The following GRIA2 variants were observed in gnomAD, a reference collection of about 807,000 sequenced individuals.
GRIA2 encodes glutamate ionotropic receptor AMPA type subunit 2.
A neutral mutation model predicts 97.3 loss-of-function variants in GRIA2; 14 were observed. The observed-to-expected ratio is 0.14, with a 90% CI of 0.10 to 0.23. The LOEUF is 0.23. Among genes scored for constraint, GRIA2 ranks in the 10% least tolerant of loss-of-function variants. The probability of loss-of-function intolerance (pLI) is 1.00; values close to 1 mark genes in which losing one functional copy is unlikely to be tolerated. For missense variants in GRIA2, 558 were observed against 1,069.8 expected, an observed-to-expected ratio of 0.52 and a Z score of 6.67; for synonymous variants, 412 against 387.8, an observed-to-expected ratio of 1.06 and a Z score of -0.73.
chr4:157,355,592 TTA>T lies in GRIA2; in HGVS notation c.2044-4294_2044-4293del, dbSNP rs1326378955. On this transcript the variant is annotated intron_variant, in intron 12 of 15. Coordinates refer to ENST00000264426, the MANE Select transcript of GRIA2 (RefSeq NM_001083619.3). ...ATGGGAAATATATATATATATTTAT[TTA>T]TATATATATTTATATATATTTATTT... 2.9e-4 allele frequency among the ~76,000 whole-genome samples: 20 copies of T among 69,276 alleles called. 1 individual carries two copies. Among genetic ancestry groups the T allele is most frequent in the East Asian group, 1.4e-3 (5 of 3,636 alleles). The allele number at this position is 69,276 out of a possible 152,430, so 45.4% of individuals were successfully genotyped here. A position where few individuals can be genotyped will look rare whatever the true frequency, so the allele number is the denominator to read the frequency against.
intron 12 of GRIA2, among the ~76,000 whole-genome samples, chr4:157,354,578 C>A (rs904143910): frequency 6.6e-6 from 1 of 152,110 alleles, no homozygotes; most frequent in Non-Finnish European, 1.5e-5. Context: ...AAAGTATGCA[C>A]CAGATTAAAC....
At chr4:157,270,786 G>A (rs1431495123) in intron 2 of GRIA2, among the ~76,000 whole-genome samples, 3 of 152,036 alleles carry the variant, frequency 2.0e-5, no homozygotes, top group Non-Finnish European at 4.4e-5. Flanking sequence ...GAAGAGAAGC[G>A]AAGCATTGAG....
intron 5 of GRIA2, among the ~76,000 whole-genome samples, chr4:157,318,854 A>T (rs1299340208): frequency 6.6e-6 from 1 of 152,208 alleles, no homozygotes; most frequent in Non-Finnish European, 1.5e-5. Context: ...TTTGACATAT[A>T]CAAATTTAAT....
At chr4:157,250,061 T>C (rs1028313679) in intron 2 of GRIA2, among the ~76,000 whole-genome samples, 8 of 152,162 alleles carry the variant, frequency 5.3e-5, no homozygotes, top group Non-Finnish European at 1.0e-4. Flanking sequence ...TTAGTGGTTA[T>C]GCGTTAATGG....
chr4:157,296,909 A>G (rs1733373420), intron 2 of GRIA2, among the ~76,000 whole-genome samples: 1 of 152,180 alleles, frequency 6.6e-6, no homozygotes, highest in African/African-American at 2.4e-5. Flanking sequence ...AACTAGACAA[A>G]TATAAAACAG....
At position 157,316,926 on chromosome 4, in the gene GRIA2, G is replaced by C. The variant is rs146982440; in HGVS notation, c.667-732G>C. Among the ~76,000 whole-genome samples, 138 of 152,280 alleles carry C rather than the reference G, an allele frequency of 9.1e-4. 2 individuals carry two copies. In the East Asian group the frequency reaches 0.015, roughly 16 times the overall value. The stretch of plus-strand genomic sequence containing the variant: ...CGTAATTGATACAGATCATTCAAAA[G>C]TCAAATTGATCAATAATGTCCAAAA... On this transcript the variant is annotated intron_variant, in intron 4 of 15. Transcript: ENST00000264426.
chr4:157,301,940 C>T (rs879573040), intron 2 of GRIA2, among the ~76,000 whole-genome samples: 12 of 151,664 alleles, frequency 7.9e-5, no homozygotes, highest in African/African-American at 1.7e-4. Flanking sequence ...TTTGGGAGGC[C>T]GAGGCTGGTG....
In GRIA2 at chr4:157,363,017, A is replaced by T. The variant is rs769026791; in HGVS notation, c.2625A>T (p.Val875=). The T allele has an allele frequency of 1.2e-6, 2 of 1,612,796 alleles. No individual in the cohort carries two copies. Among genetic ancestry groups the T allele is most frequent in the Non-Finnish European group, 1.7e-6 (2 of 1,179,098 alleles). ...NFATYKEGYN[V]YGIESVKI is the part of the protein sequence containing the mutation. ...CAACTTATAAGGAAGGTTACAACGT[A>T]TATGGCATCGAAAGTGTTAAAATTT... is the stretch of plus-strand genomic sequence containing the variant. The change falls in exon 15 of 16, where the codon GTA becomes GTT. Residue 875 remains valine (V), a synonymous_variant. Coordinates refer to ENST00000264426, the MANE Select transcript of GRIA2 (RefSeq NM_001083619.3).
chr4:157,323,271 C>A (rs1473455378), intron 6 of GRIA2, among the ~76,000 whole-genome samples: 2 of 123,524 alleles, frequency 1.6e-5, no homozygotes, highest in Admixed American at 1.1e-4. Context: ...GGAGGTAGAG[C>A]TTGCAGTGGG....
At chr4:157,360,442 GT>G (rs918422884) in intron 13 of GRIA2, among the ~76,000 whole-genome samples, 8 of 150,426 alleles carry the variant, frequency 5.3e-5, no homozygotes, top group East Asian at 3.9e-4. Context: ...CTTTGTTTGA[GT>G]TTTTTTTTCC....
chr4:157,288,410 G>A (rs951843587), intron 2 of GRIA2, among the ~76,000 whole-genome samples: 5 of 150,720 alleles, frequency 3.3e-5, no homozygotes, highest in Non-Finnish European at 5.9e-5. Context: ...TTTAGGCCTC[G>A]GGTTACTCGA....
chr4:157,283,809 AT>A (rs1732716964), intron 2 of GRIA2, among the ~76,000 whole-genome samples: 3 of 151,922 alleles, frequency 2.0e-5, no homozygotes, highest in Admixed American at 2.0e-4. Flanking sequence ...CCAAATCTTC[AT>A]TGGTAAAATA....
At chr4:157,342,723 G>A (rs752027832) in intron 12 of GRIA2, among the ~76,000 whole-genome samples, 25 of 151,962 alleles carry the variant, frequency 1.6e-4, no homozygotes, top group Non-Finnish European at 3.2e-4. Context: ...GAAAAATGAG[G>A]TGCTCCCTCT....
rs564384498 is a variant in GRIA2, at chr4:157,361,203, C to T, written c.2406+79C>T. On this transcript the variant is annotated intron_variant, in intron 14 of 15. Transcript: ENST00000264426. This position sits in a 1 kb window ranked among gnomAD's most constrained non-coding sequence, Gnocchi z 5.2. The stretch of plus-strand genomic sequence containing the variant: ...GCAGCTATGCACAGTGTGGGCACTC[C>T]GTGCCACCAAGTTTCCAACGCTAAG... 3.1e-4 allele frequency: 336 copies of T among 1,092,460 alleles called. 3 individuals are homozygous for T. In the South Asian group the frequency reaches 4.2e-3, roughly 14 times the overall value. 67.7% of individuals were successfully genotyped at this position (1,092,460 alleles called of 1,614,324 possible).
At chr4:157,348,232 G>A (rs1465283227) in intron 12 of GRIA2, among the ~76,000 whole-genome samples, 2 of 152,164 alleles carry the variant, frequency 1.3e-5, no homozygotes, top group African/African-American at 2.4e-5. Flanking sequence ...AAAGGTGGCT[G>A]CTATTTTCAT....
chr4:157,241,334 T>C (rs986648209), intron 2 of GRIA2, among the ~76,000 whole-genome samples: 29 of 152,112 alleles, frequency 1.9e-4, no homozygotes, highest in Non-Finnish European at 3.2e-4. Context: ...TTTGGCAGCT[T>C]TCAGGATTTT....
rs1450740586 is a variant in GRIA2 at position 157,288,680 on chromosome 4, T to C, written c.230-14872T>C. On this transcript the variant is annotated intron_variant, in intron 2 of 15. Coordinates refer to ENST00000264426, the MANE Select transcript of GRIA2 (RefSeq NM_001083619.3). ...TATTTAAAAAGAACTACAGAAGATT[T>C]AGCCATTAGAAACAGACAAATATCC... Among the ~76,000 whole-genome samples the C allele has an allele frequency of 2.0e-5, 3 of 151,914 alleles. No individual in the cohort carries two copies. In the Middle Eastern group the frequency reaches 0.01, roughly 517 times the overall value.
intron 2 of GRIA2, among the ~76,000 whole-genome samples, chr4:157,284,987 C>T (rs971836042): frequency 6.6e-6 from 1 of 151,694 alleles, no homozygotes; most frequent in African/African-American, 2.4e-5. Context: ...TTTAAGTCTA[C>T]AGGATTTTGC....
intron 12 of GRIA2, among the ~76,000 whole-genome samples, chr4:157,355,095 T>C (rs1420484595): frequency 6.6e-6 from 1 of 152,208 alleles, no homozygotes; most frequent in African/African-American, 2.4e-5. Context: ...GAGGGGCTTT[T>C]ATCATTTTTC....
Sources: gnomAD v4.1 joint callset for allele counts (sites outside exome capture counted in the v4.1 genomes callset) on GRCh38, gnomAD v4.1.1 for gene constraint, Gnocchi (gnomAD v3.1) non-coding constraint, MANE v1.5 for transcripts, NCBI Gene and HGNC (gene_info 2026-07-23, HGNC 2026-07-21) for gene names.